The following LRP10 variants were observed in gnomAD, a reference collection of about 807,000 sequenced individuals.
LRP10 encodes low-density lipoprotein receptor-related protein 10.
LRP10 carries 42 observed loss-of-function variants against 58.5 expected under a neutral mutation model. The observed-to-expected ratio is 0.72, with a 90% confidence interval of 0.56 to 0.93. The LOEUF (loss-of-function observed/expected upper bound fraction) is 0.93. Among genes scored for constraint, LRP10 ranks in the 40% least tolerant of loss-of-function variants. The pLI is 0.00. For missense variants in LRP10, 872 were observed against 940.1 expected (o/e 0.93, Z 0.95); for synonymous variants, 377 against 388.5 (o/e 0.97, Z 0.35).
In LRP10 at chr14:22,875,966, G is replaced by C; in HGVS notation, c.1018G>C (p.Gly340Arg). Residue 340 changes from glycine (G) to arginine (R), a missense_variant, in exon 5 of 7, where the codon GGC becomes CGC. Gly to Arg is a moderately radical substitution (Grantham distance 125, BLOSUM62 -2). Coordinates refer to ENST00000359591, the MANE Select transcript of LRP10 (RefSeq NM_014045.5). ...CTACAGTGAGGCACAGCGCTGTGAC[G>C]GCTCATGGGACTGTGCTGACGGCAC... Reference protein sequence around the residue: ...RCYSEAQRCDGSWDCADGTDE... With the variant: ...RCYSEAQRCDRSWDCADGTDE... The C allele has an allele frequency of 6.2e-7, 1 of 1,613,510 alleles. No individual in the cohort carries two copies. The highest frequency in any genetic ancestry group is 8.5e-7 in the Non-Finnish European group (1 of 1,180,028).
chr14:22,872,991 A>G, intron 2 of LRP10: 3 of 621,178 alleles, frequency 4.8e-6, no homozygotes, highest in Non-Finnish European at 8.4e-6. Context: ...GGGAATATCT[A>G]TGCTTGATCG....
rs1197900118 is a variant in LRP10 at position 22,877,505 on chromosome 14, A to C, written c.2120A>C (p.Glu707Ala). 1 of 1,606,748 alleles carries C rather than the reference A, an allele frequency of 6.2e-7. No individual in the cohort carries two copies. Among genetic ancestry groups the C allele is most frequent in the Non-Finnish European group, 8.5e-7 (1 of 1,176,684 alleles). ...AEPGVWVAEAEDEPLLT is the reference protein window; with the variant it reads ...AEPGVWVAEAADEPLLT ...CCGGGGGTGTGGGTAGCTGAGGCAGAGGATGAGCCACTGCTTACCTGAGGG... is the reference window on the plus strand; with the variant it reads ...CCGGGGGTGTGGGTAGCTGAGGCAGCGGATGAGCCACTGCTTACCTGAGGG... The change falls in exon 7 of 7, where the codon GAG (glutamate) becomes GCG (alanine). Residue 707 changes from glutamate (E) to alanine (A), a missense_variant. Transcript: ENST00000359591. The surrounding 1 kb of genome is among the most constrained non-coding windows in gnomAD (Gnocchi z 5.1).
chr14:22,877,356 C>T lies in LRP10; in HGVS notation c.1971C>T (p.Ala657=). 1 of 1,613,266 alleles carries T rather than the reference C, an allele frequency of 6.2e-7. No homozygotes were observed. The highest frequency in any genetic ancestry group is 1.1e-5 in the South Asian group (1 of 90,964). Residue 657 remains alanine (A), a synonymous_variant, in exon 7 of 7, where the codon GCC becomes GCT. Coordinates refer to ENST00000359591, the MANE Select transcript of LRP10 (RefSeq NM_014045.5). This position sits in a 1 kb window ranked among gnomAD's most constrained non-coding sequence, Gnocchi z 5.1. ...EPSLLSGVVQ[A]LRGRLLPSLG... ...CACTATTGTCTGGAGTGGTGCAGGC[C>T]CTGCGAGGCCGCCTGTTGCCCAGCC... is the stretch of plus-strand genomic sequence containing the variant.
Position 22,877,101 on chromosome 14 carries a change from G to T in LRP10, c.1716G>T (p.Pro572=), listed in dbSNP as rs141849445. The part of the protein sequence containing the change: ...RWGLLPRTNT[P]ARASEARSQV... The stretch of plus-strand genomic sequence containing the variant: ...GCTTGCTCCCTCGAACCAACACCCC[G>T]GCTCGGGCCTCTGAGGCCAGATCCC... Residue 572 remains proline (P), a synonymous_variant, in exon 7 of 7, where the codon CCG becomes CCT. Coordinates refer to ENST00000359591, the MANE Select transcript of LRP10 (RefSeq NM_014045.5). This position sits in a 1 kb window ranked among gnomAD's most constrained non-coding sequence, Gnocchi z 5.1. 6.2e-7 allele frequency: 1 copy of T among 1,613,624 alleles called. No individual in the cohort carries two copies. Among genetic ancestry groups the T allele is most frequent in the East Asian group, 2.2e-5 (1 of 44,876 alleles).
At position 22,875,796 on chromosome 14, in the gene LRP10, C is replaced by A. The variant is rs1334036993; in HGVS notation, c.848C>A (p.Ala283Asp). The change falls in exon 5 of 7, where the codon GCT becomes GAT. Residue 283 changes from alanine (A) to aspartate (D), a missense_variant. By Grantham distance (126) the Ala-to-Asp change is moderately radical (BLOSUM62 -2). Transcript: ENST00000359591. ...AVTVETLSGQ[A>D]VVSYHTVAWS... ...ACTGTGGAGACACTGTCTGGCCAGG[C>A]TGTTGTGTCCTACCACACAGTTGCT... is the stretch of plus-strand genomic sequence containing the variant. 1.2e-6 allele frequency: 2 copies of A among 1,614,206 alleles called. No homozygotes were observed. The highest frequency in any genetic ancestry group is 8.5e-7 in the Non-Finnish European group (1 of 1,180,028).
At position 22,875,492 on chromosome 14, in the gene LRP10, C is replaced by T. The variant is rs2039992781; in HGVS notation, c.544C>T (p.Leu182=). 6.2e-7 allele frequency: 1 copy of T among 1,614,136 alleles called. No individual in the cohort carries two copies. The highest frequency in any genetic ancestry group is 1.1e-5 in the South Asian group (1 of 91,094). The change falls in exon 5 of 7, where the codon CTG becomes TTG. Residue 182 remains leucine, a synonymous_variant. Transcript: ENST00000359591. ...TTGCAGCTCAGACCCCTTCCCTGGCCTGACCCCAAGACCCGTCCCCTCCCT... is the reference window on the plus strand; with the variant it reads ...TTGCAGCTCAGACCCCTTCCCTGGCTTGACCCCAAGACCCGTCCCCTCCCT... ...AGCSSDPFPG[L]TPRPVPSLPC...
rs1566495425 is a variant in LRP10 at position 22,878,920 on chromosome 14, G to A, written c.*1393G>A. 7.5e-6 allele frequency: 2 copies of A among 265,648 alleles called. No individual in the cohort carries two copies. Among genetic ancestry groups the A allele is most frequent in the South Asian group, 3.6e-5 (1 of 27,712 alleles). The allele number at this position is 265,648 out of a possible 1,614,324, so 16.5% of individuals were successfully genotyped here. A position where few individuals can be genotyped will look rare whatever the true frequency, so the allele number is the denominator to read the frequency against. On this transcript the variant is annotated 3_prime_UTR_variant, in exon 7 of 7. Coordinates refer to ENST00000359591, the MANE Select transcript of LRP10 (RefSeq NM_014045.5). ...TGCCCCAGAGTTTGGAAGGAAGATC[G>A]AGGCAGAAGATGTAGAAGGAAGCTG... is the stretch of plus-strand genomic sequence containing the variant.
rs1251909904 is a variant in LRP10, at chr14:22,873,320, A to AC, written c.95dup (p.Ala33SerfsTer67). The stretch of plus-strand genomic sequence containing the variant: ...ACCTTCCTCTCTCCAGCTTGTGAGG[A>AC]CCCCCCAGCAGTGCTCTTAGAAGTG... On this transcript the variant is annotated frameshift_variant, in exon 3 of 7. Coordinates refer to ENST00000359591, the MANE Select transcript of LRP10 (RefSeq NM_014045.5). LOFTEE classifies it high-confidence loss of function. The AC allele has an allele frequency of 5.6e-6, 9 of 1,611,444 alleles. No individual in the cohort carries two copies. Among genetic ancestry groups the AC allele is most frequent in the South Asian group, 5.5e-5 (5 of 90,932 alleles).
At position 22,881,649 on chromosome 14, in the gene LRP10, TCTA is replaced by T. The variant is rs2040062938; in HGVS notation, c.*4126_*4128del. The T allele has an allele frequency of 6.6e-6, 1 of 152,200 alleles. No individual in the cohort carries two copies. Among genetic ancestry groups the T allele is most frequent in the Non-Finnish European group, 1.5e-5 (1 of 68,036 alleles). 9.4% of individuals were successfully genotyped at this position (152,200 alleles called of 1,614,324 possible). Reference sequence around the variant, plus strand: ...CTTGCTACTCTAAATGTGTTTCTAATCTACTAGTACAGGAACACACATGGACAC... The same window carrying T: ...CTTGCTACTCTAAATGTGTTTCTAATCTAGTACAGGAACACACATGGACAC... On this transcript the variant is annotated 3_prime_UTR_variant, in exon 7 of 7. Coordinates refer to ENST00000359591, the MANE Select transcript of LRP10 (RefSeq NM_014045.5).
intron 3 of LRP10, 137 bp from the exon 4 acceptor site, chr14:22,874,918 T>G: frequency 2.0e-6 from 1 of 499,474 alleles, no homozygotes; most frequent in Non-Finnish European, 3.4e-6. Context: ...CTAACTGAGT[T>G]TTCATTTGGC....
chr14:22,880,358 G>A lies in LRP10; in HGVS notation c.*2831G>A, dbSNP rs1359261779. The A allele has an allele frequency of 6.6e-6, 1 of 151,994 alleles. No individual in the cohort carries two copies. Among genetic ancestry groups the A allele is most frequent in the African/African-American group, 2.4e-5 (1 of 41,318 alleles). 9.4% of individuals were successfully genotyped at this position (151,994 alleles called of 1,614,324 possible). A position where few individuals can be genotyped will look rare whatever the true frequency, so the allele number is the denominator to read the frequency against. The stretch of plus-strand genomic sequence containing the variant: ...CCACTGCACTCTAGCCTGGGTGACA[G>A]AGCGAGACTCCTTCTCCAAAAAAAA... On this transcript the variant is annotated 3_prime_UTR_variant, in exon 7 of 7. Transcript: ENST00000359591.
intron 3 of LRP10, among the ~76,000 whole-genome samples, chr14:22,874,639 G>A (rs1264626100): frequency 2.0e-5 from 3 of 152,346 alleles, no homozygotes; most frequent in African/African-American, 7.2e-5. Context: ...AGTAATCCCA[G>A]CACTTTGGGA....
rs192330225 is a variant in LRP10 at position 22,878,048 on chromosome 14, G to A, written c.*521G>A. 6.5e-6 allele frequency: 1 copy of A among 152,784 alleles called. No individual in the cohort carries two copies. The highest frequency in any genetic ancestry group is 1.9e-4 in the East Asian group (1 of 5,194). 9.5% of individuals were successfully genotyped at this position (152,784 alleles called of 1,614,324 possible). ...CCATAGCTACGGCATTGCTCAGTAA[G>A]TTGAGGTCAAAAATAAAGGAATCAT... On this transcript the variant is annotated 3_prime_UTR_variant, in exon 7 of 7. Coordinates refer to ENST00000359591, the MANE Select transcript of LRP10 (RefSeq NM_014045.5).
rs2138775511 is a variant in LRP10 at position 22,872,336 on chromosome 14, T to C, written c.33T>C (p.Leu11=). The C allele has an allele frequency of 3.7e-6, 6 of 1,613,858 alleles. No individual in the cohort carries two copies. Among genetic ancestry groups the C allele is most frequent in the South Asian group, 2.2e-5 (2 of 91,074 alleles). The change falls in exon 1 of 7, where the codon CTT becomes CTC. Residue 11 remains leucine (L), a splice_region_variant and synonymous_variant. Transcript: ENST00000359591. MLLATLLLLL[L]GGALAHPDRI... ...TGGCCACCCTCCTCCTCCTCCTCCT[T>C]GGTAAGAACCGAAACGATACCAACC...
chr14:22,872,699 A>T (rs373418938), intron 1 of LRP10, 39 bp from the exon 2 acceptor site: 13 of 1,606,680 alleles, frequency 8.1e-6, no homozygotes, highest in Non-Finnish European at 1.1e-5. Flanking sequence ...ACTCCTAAGG[A>T]GTGTCTCACG....
At position 22,872,752 on chromosome 14, in the gene LRP10, C is replaced by A; in HGVS notation, c.49C>A (p.His17Asn). The A allele has an allele frequency of 6.2e-7, 1 of 1,614,190 alleles. No homozygotes were observed. The highest frequency in any genetic ancestry group is 1.3e-5 in the African/African-American group (1 of 75,066). The change falls in exon 2 of 7, where the codon CAT (histidine) becomes AAT (asparagine). Residue 17 changes from histidine (H) to asparagine (N), a missense_variant. By Grantham distance (68) the His-to-Asn change is moderately conservative (BLOSUM62 1). Coordinates refer to ENST00000359591, the MANE Select transcript of LRP10 (RefSeq NM_014045.5). ...TCCTCCTCTAGGAGGCGCTCTGGCCCATCCAGACCGGATTATTTTTCCAAA... is the reference window on the plus strand; with the variant it reads ...TCCTCCTCTAGGAGGCGCTCTGGCCAATCCAGACCGGATTATTTTTCCAAA... ...LLLLLGGALA[H>N]PDRIIFPNHA...
chr14:22,879,668 C>T lies in LRP10; in HGVS notation c.*2141C>T, dbSNP rs1422596139. On this transcript the variant is annotated 3_prime_UTR_variant, in exon 7 of 7. Transcript: ENST00000359591. Reference sequence around the variant, plus strand: ...GGAAGGAGGACTTTAGGGCAGAGTTCACTAAGGAGGCTTGTGCTTATAGAT... The same window carrying T: ...GGAAGGAGGACTTTAGGGCAGAGTTTACTAAGGAGGCTTGTGCTTATAGAT... 6.3e-6 allele frequency: 1 copy of T among 160,000 alleles called. No homozygotes were observed. The highest frequency in any genetic ancestry group is 2.4e-5 in the African/African-American group (1 of 41,814). The allele number at this position is 160,000 out of a possible 1,614,324, so 9.9% of individuals were successfully genotyped here. A position where few individuals can be genotyped will look rare whatever the true frequency, so the allele number is the denominator to read the frequency against.
In LRP10 at chr14:22,877,386, G is replaced by A. The variant is rs764982085; in HGVS notation, c.2001G>A (p.Gly667=). Residue 667 remains glycine, a synonymous_variant, in exon 7 of 7, where the codon GGG becomes GGA. Coordinates refer to ENST00000359591, the MANE Select transcript of LRP10 (RefSeq NM_014045.5). This position sits in a 1 kb window ranked among gnomAD's most constrained non-coding sequence, Gnocchi z 5.1. ...GAGGCCGCCTGTTGCCCAGCCTGGG[G>A]CCCCCAGGACCAACCCGGAGCCCCC... is the stretch of plus-strand genomic sequence containing the variant. The part of the protein sequence containing the change: ...ALRGRLLPSL[G]PPGPTRSPPG... 3.1e-6 allele frequency: 5 copies of A among 1,613,652 alleles called. No individual in the cohort carries two copies. Among genetic ancestry groups the A allele is most frequent in the Non-Finnish European group, 4.2e-6 (5 of 1,179,810 alleles).
chr14:22,878,110 G>C lies in LRP10; in HGVS notation c.*583G>C, dbSNP rs959549911. On this transcript the variant is annotated 3_prime_UTR_variant, in exon 7 of 7. Transcript: ENST00000359591. ...TTTTGCAAATTAGCTGCGAGCCTGA[G>C]CCCCGCCTCTGCCCATCTCAGTCTA... 1 of 152,292 alleles carries C rather than the reference G, an allele frequency of 6.6e-6. No homozygotes were observed. Among genetic ancestry groups the C allele is most frequent in the Non-Finnish European group, 1.5e-5 (1 of 68,126 alleles). 9.4% of individuals were successfully genotyped at this position (152,292 alleles called of 1,614,324 possible).
Sources: gnomAD v4.1 joint callset for allele counts (sites outside exome capture counted in the v4.1 genomes callset) on GRCh38, gnomAD v4.1.1 for gene constraint, Gnocchi (gnomAD v3.1) non-coding constraint, MANE v1.5 for transcripts, NCBI Gene and HGNC (gene_info 2026-07-23, HGNC 2026-07-21) for gene names.